Variants in ANO3 observed in about 807,000 individuals in gnomAD.
ANO3 encodes the protein anoctamin 3.
ANO3 carries 99 observed loss-of-function variants against 144.8 expected under a neutral mutation model. The observed-to-expected ratio is 0.68, with a 90% CI of 0.58 to 0.81. The LOEUF (loss-of-function observed/expected upper bound fraction) is 0.81. Ranked by LOEUF, ANO3 falls within the 30% of genes least tolerant of loss-of-function variation. The probability of loss-of-function intolerance (pLI) is 0.00; values close to 1 mark genes in which losing one functional copy is unlikely to be tolerated. For synonymous variants in ANO3, 414 were observed against 392.6 expected (o/e 1.05, Z -0.64); for missense variants, 905 against 1,202.2 (o/e 0.75, Z 3.66).
intron 17 of ANO3, among the ~76,000 whole-genome samples, chr11:26,610,178 T>C: frequency 6.6e-6 from 1 of 152,246 alleles, no homozygotes; most frequent in East Asian, 1.9e-4. Flanking sequence ...TCCTAAGTGC[T>C]GGGATTACAG....
In ANO3 at chr11:26,487,609, G is replaced by T. The variant is rs911419310; in HGVS notation, c.433-20495G>T. ...GAAAGCTTGGAACCTCCTAAAGACTGGTTAAGTGGCTTTGAAAAAAATGCC... is the reference window on the plus strand; with the variant it reads ...GAAAGCTTGGAACCTCCTAAAGACTTGTTAAGTGGCTTTGAAAAAAATGCC... On this transcript the variant is annotated intron_variant, in intron 4 of 26. Coordinates refer to ENST00000256737, the MANE Select transcript of ANO3 (RefSeq NM_031418.4). Among the ~76,000 whole-genome samples, 9 of 152,170 alleles carry T rather than the reference G, an allele frequency of 5.9e-5. No individual in the cohort carries two copies. In the South Asian group the frequency reaches 6.2e-4, roughly 11 times the overall value.
chr11:26,456,318 C>A (rs563878918), intron 3 of ANO3, among the ~76,000 whole-genome samples: 3 of 152,206 alleles, frequency 2.0e-5, no homozygotes, highest in Admixed American at 2.0e-4. Context: ...TTTTCACAAC[C>A]TCCTCATCTG....
rs1855217678 is a variant in ANO3, at chr11:26,337,248, A to G, written c.46+4927A>G. On this transcript the variant is annotated intron_variant, in intron 1 of 26. Transcript: ENST00000256737. ...CAGAGGAATTACTGTGTTAATTCAA[A>G]GTAAGAACATTGCTGTTTAAAATGA... Among the ~76,000 whole-genome samples the G allele has an allele frequency of 3.9e-5, 6 of 152,382 alleles. No individual in the cohort carries two copies. The South Asian group carries it at 1.2e-3, about 32-fold the overall frequency.
intron 1 of ANO3, 127 bp from the exon 2 acceptor site, chr11:26,441,791 T>A (rs1054332167): frequency 1.5e-6 from 1 of 653,116 alleles, no homozygotes; most frequent in African/African-American, 1.8e-5. Context: ...AACTCAATTA[T>A]TTCTAATATC....
chr11:26,196,169 A>G (rs1219624920), intron 1 of ANO3, among the ~76,000 whole-genome samples: 1 of 152,208 alleles, frequency 6.6e-6, no homozygotes, highest in Non-Finnish European at 1.5e-5. Flanking sequence ...TGACTTTTAG[A>G]CCAAACAAAT....
At chr11:26,459,603 CACAT>C (rs1859303276) in intron 3 of ANO3, among the ~76,000 whole-genome samples, 1 of 151,910 alleles carries the variant, frequency 6.6e-6, no homozygotes, top group African/African-American at 2.4e-5. Flanking sequence ...CACACACACA[CACAT>C]ACATATATAT....
intron 14 of ANO3, among the ~76,000 whole-genome samples, chr11:26,598,054 G>C (rs930089876): frequency 6.6e-6 from 1 of 152,116 alleles, no homozygotes; most frequent in Non-Finnish European, 1.5e-5. Flanking sequence ...TTTTGAATAA[G>C]CATATGCAGG....
intron 17 of ANO3, among the ~76,000 whole-genome samples, chr11:26,623,906 C>A (rs996502395): frequency 5.9e-5 from 9 of 152,136 alleles, no homozygotes; most frequent in Non-Finnish European, 8.8e-5. Flanking sequence ...CCTGCCTCAG[C>A]CTCCCGAGTA....
At chr11:26,295,515 CA>C (rs71047842) in intron 1 of ANO3, among the ~76,000 whole-genome samples, 1,879 of 66,064 alleles carry the variant, frequency 0.028, 13 homozygotes, top group East Asian at 0.18. Flanking sequence ...GACTCTGTCT[CA>C]AAAAAAAAAA....
At chr11:26,439,255 G>A (rs1858424938) in intron 1 of ANO3, among the ~76,000 whole-genome samples, 1 of 152,082 alleles carries the variant, frequency 6.6e-6, no homozygotes, top group African/African-American at 2.4e-5. Context: ...TCATGACCTT[G>A]AATTAGATAA....
chr11:26,613,364 G>A (rs912358930), intron 17 of ANO3, among the ~76,000 whole-genome samples: 1 of 151,890 alleles, frequency 6.6e-6, no homozygotes, highest in Non-Finnish European at 1.5e-5. Flanking sequence ...TCTTTTTATT[G>A]TATTTCTCAT....
chr11:26,658,148 G>A (rs1335542813), intron 26 of ANO3, among the ~76,000 whole-genome samples: 2 of 152,118 alleles, frequency 1.3e-5, no homozygotes, highest in Non-Finnish European at 2.9e-5. Context: ...TAGGGGTCTA[G>A]TTTCATTCTC....
chr11:26,617,421 T>C (rs887002218), intron 17 of ANO3, among the ~76,000 whole-genome samples: 1 of 152,206 alleles, frequency 6.6e-6, no homozygotes, highest in Admixed American at 6.5e-5. Flanking sequence ...GTTGTAGAAA[T>C]AAGACTTCAG....
chr11:26,568,444 C>T (rs1388439308), intron 14 of ANO3, among the ~76,000 whole-genome samples: 1 of 148,784 alleles, frequency 6.7e-6, no homozygotes, highest in African/African-American at 2.5e-5. Context: ...TGGTACACAG[C>T]TGCTTTTTAG....
intron 1 of ANO3, among the ~76,000 whole-genome samples, chr11:26,219,814 A>G (rs527290826): frequency 1.3e-5 from 2 of 152,116 alleles, no homozygotes; most frequent in Non-Finnish European, 2.9e-5. Context: ...TGGTCCATCA[A>G]GGCTAAGGAA....
chr11:26,458,379 T>C (rs1271929887), intron 3 of ANO3, among the ~76,000 whole-genome samples: 2 of 152,090 alleles, frequency 1.3e-5, no homozygotes, highest in Admixed American at 6.6e-5. Flanking sequence ...GCCGTTATGA[T>C]ACAAATAACT....
Position 26,443,750 on chromosome 11 carries a change from CTTA to C in ANO3, c.242-12_242-10del, listed in dbSNP as rs1420878242. On this transcript the variant is annotated splice_polypyrimidine_tract_variant and intron_variant, in intron 2 of 26. Transcript: ENST00000256737. ...TTTATTTCCCAAAACTACAAAGTAT[CTTA>C]TTTTATTTCAGTTAATACTGAGGAG... The C allele has an allele frequency of 9.7e-7, 1 of 1,026,752 alleles. No homozygotes were observed. The highest frequency in any genetic ancestry group is 1.4e-6 in the Non-Finnish European group (1 of 721,538). 63.6% of individuals were successfully genotyped at this position (1,026,752 alleles called of 1,614,324 possible). A position where few individuals can be genotyped will look rare whatever the true frequency, so the allele number is the denominator to read the frequency against.
intron 4 of ANO3, among the ~76,000 whole-genome samples, chr11:26,494,974 T>C (rs1860868930): frequency 6.6e-6 from 1 of 152,148 alleles, no homozygotes; most frequent in Non-Finnish European, 1.5e-5. Context: ...AATTAAGCCA[T>C]CCACTTCAAA....
chr11:26,285,097 A>ATTTTTTTT (rs60725629), intron 1 of ANO3, among the ~76,000 whole-genome samples: 5 of 149,354 alleles, frequency 3.3e-5, no homozygotes, highest in African/African-American at 1.2e-4. Context: ...ACTGTGTACA[A>ATTTTTTTT]TTTTTTTTTT....
Sources: gnomAD v4.1 joint callset for allele counts (sites outside exome capture counted in the v4.1 genomes callset) on GRCh38, gnomAD v4.1.1 for gene constraint, MANE v1.5 for transcripts, NCBI Gene and HGNC (gene_info 2026-07-23, HGNC 2026-07-21) for gene names.